FGGY: variants seen among roughly 807,000 people sequenced by gnomAD.
The protein encoded by FGGY is FGGY carbohydrate kinase domain containing, also known as FGGY carbohydrate kinase domain-containing protein.
FGGY carries 72 observed loss-of-function variants against 71.3 expected under a neutral mutation model. The ratio of observed to expected loss-of-function variants is 1.01; its 90% CI spans 0.84 to 1.23. The LOEUF is 1.23. FGGY is among the 50% of genes most tolerant of loss of function. The pLI is 0.00. For synonymous variants in FGGY, 251 were observed against 250.3 expected, an observed-to-expected ratio of 1.00 and a Z score of -0.02; for missense variants, 668 against 682.3, an observed-to-expected ratio of 0.98 and a Z score of 0.23.
chr1:59,403,297 G>T (rs1557813345), intron 5 of FGGY, among the ~76,000 whole-genome samples: 1 of 152,140 alleles, frequency 6.6e-6, no homozygotes, highest in Admixed American at 6.5e-5. Context: ...CCTAGACTAT[G>T]CTTTGTCTAT....
At chr1:59,317,764 G>GTGAACCTGAAA (rs1553137317) in intron 1 of FGGY, among the ~76,000 whole-genome samples, 1 of 152,220 alleles carries the variant, frequency 6.6e-6, no homozygotes, top group East Asian at 1.9e-4. Context: ...GGGAAAAGTG[G>GTGAACCTGAAA]TGAACCTGAA....
chr1:59,586,668 A>G (rs2096294337), intron 8 of FGGY, among the ~76,000 whole-genome samples: 1 of 152,212 alleles, frequency 6.6e-6, no homozygotes. Flanking sequence ...AATAAAAAAT[A>G]AAAGACCACG....
chr1:59,371,412 C>T (rs535316138), intron 4 of FGGY, among the ~76,000 whole-genome samples: 1 of 152,010 alleles, frequency 6.6e-6, no homozygotes, highest in African/African-American at 2.4e-5. Context: ...TAAAGCAAGT[C>T]CTTAGAGAAC....
chr1:59,442,759 T>C (rs758005296), intron 5 of FGGY, among the ~76,000 whole-genome samples: 1 of 152,192 alleles, frequency 6.6e-6, no homozygotes, highest in Non-Finnish European at 1.5e-5. Flanking sequence ...GTTGTCATGA[T>C]GACAGTCATA....
intron 14 of FGGY, among the ~76,000 whole-genome samples, chr1:59,741,282 G>A (rs974883498): frequency 2.6e-5 from 4 of 152,142 alleles, no homozygotes; most frequent in Middle Eastern, 3.2e-3. Flanking sequence ...GATTTTGGGG[G>A]TGGAGCTCAT....
At chr1:59,370,848 GC>G (rs557229880) in intron 4 of FGGY, among the ~76,000 whole-genome samples, 193 of 151,898 alleles carry the variant, frequency 1.3e-3, no homozygotes, top group African/African-American at 4.4e-3. Flanking sequence ...TTACAGACAA[GC>G]AAATGCTGAG....
intron 14 of FGGY, among the ~76,000 whole-genome samples, chr1:59,734,446 C>T (rs746506180): frequency 6.6e-6 from 1 of 152,208 alleles, no homozygotes; most frequent in Non-Finnish European, 1.5e-5. Context: ...TCAAGCAATC[C>T]ACCCACCTTG....
At chr1:59,651,947 G>C (rs1379727522) in intron 11 of FGGY, among the ~76,000 whole-genome samples, 1 of 151,488 alleles carries the variant, frequency 6.6e-6, no homozygotes, top group Non-Finnish European at 1.5e-5. Flanking sequence ...GGGCAGGCCT[G>C]GTGGTGACAA....
intron 14 of FGGY, among the ~76,000 whole-genome samples, chr1:59,722,867 G>A (rs1252489760): frequency 2.6e-5 from 4 of 152,130 alleles, no homozygotes; most frequent in Admixed American, 6.5e-5. Context: ...CACGATCTTG[G>A]CTCACTGCAA....
rs1245604932 is a variant in FGGY at position 59,581,750 on chromosome 1, CTTAG to C, written c.904-26049_904-26046del. ...GTGACCCTAAAATGCATTGTTATCCCTTAGTTATAGATGAGAGAAAGTACATAAG... is the reference window on the plus strand; with the variant it reads ...GTGACCCTAAAATGCATTGTTATCCCTTATAGATGAGAGAAAGTACATAAG... On this transcript the variant is annotated intron_variant, in intron 8 of 15. Transcript: ENST00000303721. 2.0e-5 allele frequency among the ~76,000 whole-genome samples: 3 copies of C among 149,734 alleles called. 1 individual carries two copies. The highest frequency in any genetic ancestry group is 5.1e-5 in the African/African-American group (2 of 39,512).
In FGGY at chr1:59,621,908, AC is replaced by A. The variant is rs578233121; in HGVS notation, c.1012-4079del. Among the ~76,000 whole-genome samples the A allele has an allele frequency of 4.1e-3, 619 of 151,830 alleles. 2 individuals carry two copies. Among genetic ancestry groups the A allele is most frequent in the African/African-American group, 0.014 (574 of 41,444 alleles). On this transcript the variant is annotated intron_variant, in intron 9 of 15. Coordinates refer to ENST00000303721, the MANE Select transcript of FGGY (RefSeq NM_018291.5). ...TCTTCTCCTTGCTCTCTTCCCTCTT[AC>A]TGTGACTCCAATTCCACATATATGG...
chr1:59,641,506 T>C (rs963461107), intron 11 of FGGY, among the ~76,000 whole-genome samples: 1 of 152,346 alleles, frequency 6.6e-6, no homozygotes, highest in East Asian at 1.9e-4. Flanking sequence ...GTAATTATTG[T>C]ACATGTGTGT....
At position 59,595,823 on chromosome 1, in the gene FGGY, G is replaced by A. The variant is rs187830646; in HGVS notation, c.904-11980G>A. 5.2e-3 allele frequency among the ~76,000 whole-genome samples: 797 copies of A among 152,152 alleles called. 5 individuals carry two copies. Among genetic ancestry groups the A allele is most frequent in the Non-Finnish European group, 6.9e-3 (467 of 68,008 alleles). On this transcript the variant is annotated intron_variant, in intron 8 of 15. Transcript: ENST00000303721. ...TTCTTCCTTTTATTCTTCTAAAGAAGTCCAGATGAGCCCCAGATACAGGTT... is the reference window on the plus strand; with the variant it reads ...TTCTTCCTTTTATTCTTCTAAAGAAATCCAGATGAGCCCCAGATACAGGTT...
chr1:59,434,784 G>GC (rs11383080), intron 5 of FGGY, among the ~76,000 whole-genome samples: 3,845 of 151,656 alleles, frequency 0.025, 179 homozygotes, highest in African/African-American at 0.088. Context: ...ACCTCCCAAA[G>GC]CCCCCCCCAC....
At chr1:59,416,487 A>G (rs1019486038) in intron 5 of FGGY, among the ~76,000 whole-genome samples, 1 of 152,220 alleles carries the variant, frequency 6.6e-6, no homozygotes, top group Non-Finnish European at 1.5e-5. Flanking sequence ...AATGCCTTAC[A>G]TATACTATAT....
At chr1:59,673,688 T>C (rs1334610258) in intron 13 of FGGY, 2 of 246,120 alleles carry the variant, frequency 8.1e-6, no homozygotes, top group South Asian at 1.1e-4. Context: ...TTCATCTCAG[T>C]ATTCCCTCGG....
At chr1:59,663,551 C>G (rs1284750566) in intron 12 of FGGY, among the ~76,000 whole-genome samples, 1 of 152,100 alleles carries the variant, frequency 6.6e-6, no homozygotes, top group Non-Finnish European at 1.5e-5. Flanking sequence ...TCTCAAGTAC[C>G]ACACACTTGG....
intron 5 of FGGY, among the ~76,000 whole-genome samples, chr1:59,400,484 T>G (rs984384747): frequency 6.6e-6 from 1 of 152,008 alleles, no homozygotes; most frequent in African/African-American, 2.4e-5. Flanking sequence ...AATTTGTAAT[T>G]TTAAAGTAAG....
chr1:59,533,670 CT>C (rs935810912), intron 7 of FGGY, among the ~76,000 whole-genome samples: 8 of 152,126 alleles, frequency 5.3e-5, no homozygotes, highest in African/African-American at 1.9e-4. Flanking sequence ...AGACTGCCTC[CT>C]TAAGTGGGTC....
Sources: allele counts gnomAD v4.1 joint callset (sites outside exome capture counted in the v4.1 genomes callset), GRCh38; gene constraint gnomAD v4.1.1; transcripts MANE v1.5; gene names NCBI Gene and HGNC (gene_info 2026-07-23, HGNC 2026-07-21).